Variants in ALG1L2 observed in about 807,000 individuals in gnomAD.
ALG1L2 encodes putative glycosyltransferase ALG1L2.
In ALG1L2, 32 loss-of-function variants were observed where a neutral mutation model predicts 29.0. That is an observed-to-expected ratio of 1.10 (90% CI 0.83 to 1.48). The LOEUF (loss-of-function observed/expected upper bound fraction) is 1.48, where lower values mean the gene tolerates loss of function less well. Among genes scored for constraint, ALG1L2 ranks in the 40% most tolerant of loss-of-function variants. The probability of loss-of-function intolerance (pLI) is 0.00; values close to 1 mark genes in which losing one functional copy is unlikely to be tolerated. For missense variants in ALG1L2, 318 were observed against 274.1 expected, an observed-to-expected ratio of 1.16 and a Z score of -1.13; for synonymous variants, 110 against 109.5, an observed-to-expected ratio of 1.00 and a Z score of -0.03.
chr3:130,095,323 G>A (rs528556935), intron 5 of ALG1L2, among the ~76,000 whole-genome samples: 108 of 151,532 alleles, frequency 7.1e-4, no homozygotes, highest in South Asian at 1.5e-3. Context: ...GACCCATCAT[G>A]CCTGGCCCCA....
chr3:130,094,041 T>C, intron 4 of ALG1L2: 1 of 283,756 alleles, frequency 3.5e-6, no homozygotes, highest in Non-Finnish European at 6.9e-6. Context: ...CGCCCTGTGG[T>C]TTGGGGGCTG....
chr3:130,092,757 A>C (rs1394991330), intron 3 of ALG1L2, among the ~76,000 whole-genome samples: 1 of 152,190 alleles, frequency 6.6e-6, no homozygotes, highest in Non-Finnish European at 1.5e-5. Flanking sequence ...CTGAATGGGC[A>C]TGGTGGCTCA....
intron 1 of ALG1L2, among the ~76,000 whole-genome samples, chr3:130,087,796 G>T (rs115139925): frequency 0.072 from 8,124 of 113,040 alleles, 221 homozygotes; most frequent in Non-Finnish European, 0.097. Context: ...CAATGTTTCT[G>T]CAGGTGTCGA....
At chr3:130,096,835 A>T (rs566181028) in intron 6 of ALG1L2, among the ~76,000 whole-genome samples, 6 of 152,306 alleles carry the variant, frequency 3.9e-5, no homozygotes, top group Admixed American at 3.9e-4. Flanking sequence ...TTATGTGCTG[A>T]ACCAGTCCCC....
At position 130,097,742 on chromosome 3, in the gene ALG1L2, C is replaced by T. The variant is rs945864684; in HGVS notation, c.616-481C>T. Among the ~76,000 whole-genome samples, 17 of 133,086 alleles carry T rather than the reference C, an allele frequency of 1.3e-4. 1 individual carries two copies. The highest frequency in any genetic ancestry group is 1.5e-5 in the Non-Finnish European group (1 of 66,172). The allele number at this position is 133,086 out of a possible 152,430, so 87.3% of individuals were successfully genotyped here. A position where few individuals can be genotyped will look rare whatever the true frequency, so the allele number is the denominator to read the frequency against. On this transcript the variant is annotated intron_variant, in intron 7 of 7. Coordinates refer to ENST00000425059, the MANE Select transcript of ALG1L2 (RefSeq NM_001136152.1). ...CCCAGTCTCTGTCAGAACCATGGTACTCTGTTGTGGTGTGAAAGTAGCCAC... is the reference window on the plus strand; with the variant it reads ...CCCAGTCTCTGTCAGAACCATGGTATTCTGTTGTGGTGTGAAAGTAGCCAC...
chr3:130,091,883 A>G, intron 2 of ALG1L2: 1 of 787,634 alleles, frequency 1.3e-6, no homozygotes, highest in Admixed American at 2.2e-5. Context: ...GAGAAAAGGA[A>G]TTAGTCAGTC....
chr3:130,089,698 G>T (rs1006516508), intron 1 of ALG1L2, among the ~76,000 whole-genome samples: 2 of 152,292 alleles, frequency 1.3e-5, no homozygotes, highest in Non-Finnish European at 2.9e-5. Context: ...CTGTTCTAAA[G>T]TCTGCACGTT....
At position 130,091,307 on chromosome 3, in the gene ALG1L2, C is replaced by A. The variant is rs758727218; in HGVS notation, c.67C>A (p.Pro23Thr). ...DKPASFFKEAPLDLQHRLFMK... is the reference protein window; with the variant it reads ...DKPASFFKEATLDLQHRLFMK... The stretch of plus-strand genomic sequence containing the variant: ...GCCGGCATCTTTCTTTAAAGAGGCA[C>A]CTCTGGACCTGCAGCACCGGCTCTT... The change falls in exon 2 of 8, where the codon CCT becomes ACT. Residue 23 changes from proline (P) to threonine (T), a missense_variant. Coordinates refer to ENST00000425059, the MANE Select transcript of ALG1L2 (RefSeq NM_001136152.1). 1.9e-6 allele frequency: 3 copies of A among 1,598,926 alleles called. No individual in the cohort carries two copies. The highest frequency in any genetic ancestry group is 1.3e-5 in the African/African-American group (1 of 74,850).
Position 130,086,940 on chromosome 3 carries a change from C to G in ALG1L2, c.21-4321C>G, listed in dbSNP as rs140729575. ...AATGCCAGGAGCAACTTTGGTGGTG[C>G]GTTCCCCACACCTGCCCCCTTTGCC... On this transcript the variant is annotated intron_variant, in intron 1 of 7. Coordinates refer to ENST00000425059, the MANE Select transcript of ALG1L2 (RefSeq NM_001136152.1). Among the ~76,000 whole-genome samples the G allele has an allele frequency of 1.1e-4, 17 of 151,474 alleles. No individual in the cohort carries two copies. The East Asian group carries it at 3.3e-3, about 29-fold the overall frequency.
intron 7 of ALG1L2, 104 bp downstream of exon 7, chr3:130,097,354 G>A (rs1319898258): frequency 1.3e-5 from 19 of 1,497,378 alleles, no homozygotes; most frequent in Non-Finnish European, 1.7e-5. Flanking sequence ...GGACCATGCG[G>A]GGTCTGGCGG....
At chr3:130,093,207 G>A (rs755168981) in intron 4 of ALG1L2, 47 bp downstream of exon 4, 1 of 1,565,766 alleles carries the variant, frequency 6.4e-7, no homozygotes, top group Non-Finnish European at 8.8e-7. Flanking sequence ...GGATGGTGGA[G>A]GGGGAGGGGC....
chr3:130,097,180 A>G lies in ALG1L2; in HGVS notation c.545A>G (p.His182Arg). 3 of 1,611,922 alleles carry G rather than the reference A, an allele frequency of 1.9e-6. No individual in the cohort carries two copies. The highest frequency in any genetic ancestry group is 1.1e-5 in the South Asian group (1 of 90,996). The change falls in exon 7 of 8, where the codon CAT becomes CGT. Residue 182 changes from histidine (H) to arginine (R), a missense_variant. Coordinates refer to ENST00000425059, the MANE Select transcript of ALG1L2 (RefSeq NM_001136152.1). ...TCCTTTTGTTCTCTCTGCAGTTTAC[A>G]TGAGCTGGTGAAACATGAAGAAAAC... is the stretch of plus-strand genomic sequence containing the variant. ...PACAVNFKCL[H>R]ELVKHEENRL...
intron 1 of ALG1L2, among the ~76,000 whole-genome samples, chr3:130,088,662 C>T (rs571856580): frequency 2.6e-5 from 4 of 152,402 alleles, no homozygotes; most frequent in East Asian, 1.9e-4. Context: ...AGGTGATCCA[C>T]GCACCTTGGC....
intron 1 of ALG1L2, among the ~76,000 whole-genome samples, chr3:130,087,645 G>A (rs1934919959): frequency 7.6e-6 from 1 of 132,214 alleles, no homozygotes; most frequent in Admixed American, 7.9e-5. Flanking sequence ...AAATAATAAA[G>A]CAAATGGGGT....
chr3:130,085,226 C>G (rs1376036529), intron 1 of ALG1L2, among the ~76,000 whole-genome samples: 8 of 143,098 alleles, frequency 5.6e-5, no homozygotes, highest in Non-Finnish European at 1.6e-5. Context: ...TCCCAAACTG[C>G]CAAGATTACA....
chr3:130,094,136 G>A, intron 4 of ALG1L2: 1 of 502,210 alleles, frequency 2.0e-6, no homozygotes, highest in South Asian at 2.0e-5. Context: ...CGCGTGCCAG[G>A]CCAGTGCTTA....
intron 6 of ALG1L2, among the ~76,000 whole-genome samples, chr3:130,096,827 A>G (rs1173842294): frequency 6.6e-6 from 1 of 152,210 alleles, no homozygotes; most frequent in Non-Finnish European, 1.5e-5. Flanking sequence ...GTCATCTTTT[A>G]TGTGCTGAAC....
In ALG1L2 at chr3:130,092,160, G is replaced by C. The variant is rs1277376881; in HGVS notation, c.191G>C (p.Ser64Thr). The part of the protein sequence containing the change: ...RSAFTERDSG[S>T]GLVTRLHERP... Reference sequence around the variant, plus strand: ...GCCTTCACGGAGCGGGATTCTGGGAGCGGGCTGGTGACGCGTCTCCACGAG... The same window carrying C: ...GCCTTCACGGAGCGGGATTCTGGGACCGGGCTGGTGACGCGTCTCCACGAG... Residue 64 changes from serine to threonine, a missense_variant, in exon 3 of 8, where the codon AGC becomes ACC. Physicochemically the swap from Ser to Thr is moderately conservative, Grantham distance 58. Transcript: ENST00000425059. 1.9e-6 allele frequency: 3 copies of C among 1,613,412 alleles called. No individual in the cohort carries two copies. Among genetic ancestry groups the C allele is most frequent in the Non-Finnish European group, 2.5e-6 (3 of 1,179,816 alleles).
intron 1 of ALG1L2, among the ~76,000 whole-genome samples, chr3:130,090,051 A>G (rs942054304): frequency 6.6e-6 from 1 of 152,108 alleles, no homozygotes; most frequent in African/African-American, 2.4e-5. Flanking sequence ...CTCTAAATAA[A>G]TAAATAGAAA....
Sources: gnomAD v4.1 joint callset for allele counts (sites outside exome capture counted in the v4.1 genomes callset) on GRCh38, gnomAD v4.1.1 for gene constraint, MANE v1.5 for transcripts, NCBI Gene and HGNC (gene_info 2026-07-23, HGNC 2026-07-21) for gene names.